The following PXK variants were observed in gnomAD, a reference collection of about 807,000 sequenced individuals.
PXK encodes the protein PX domain containing serine/threonine kinase like.
In PXK, 35 loss-of-function variants were observed where a neutral mutation model predicts 84.7. The ratio of observed to expected loss-of-function variants is 0.41; its 90% CI spans 0.32 to 0.55. The LOEUF (loss-of-function observed/expected upper bound fraction) is 0.55, where lower values mean the gene tolerates loss of function less well. Ranked by LOEUF, PXK falls within the 20% of genes least tolerant of loss-of-function variation. PXK has a pLI of 0.21. For missense variants in PXK, 634 were observed against 699.7 expected (o/e 0.91, Z 1.06); for synonymous variants, 253 against 260.8 (o/e 0.97, Z 0.29).
rs370718509 is a variant in PXK at position 58,392,379 on chromosome 3, A to G, written c.615+532A>G. On this transcript the variant is annotated intron_variant, in intron 7 of 17. Coordinates refer to ENST00000356151, the MANE Select transcript of PXK (RefSeq NM_017771.5). ...TGATATATTTCAAAATATGTGCAGA[A>G]TGTCTTCAGCAAAGACTAATCTGGC... 1.2e-4 allele frequency among the ~76,000 whole-genome samples: 19 copies of G among 152,358 alleles called. No homozygotes were observed. The South Asian group carries it at 3.9e-3, about 32-fold the overall frequency.
rs751061183 is a variant in PXK at position 58,399,309 on chromosome 3, G to C, written c.1113G>C (p.Leu371Phe). 6.2e-7 allele frequency: 1 copy of C among 1,613,934 alleles called. No homozygotes were observed. Among genetic ancestry groups the C allele is most frequent in the Non-Finnish European group, 8.5e-7 (1 of 1,179,962 alleles). The change falls in exon 12 of 18, where the codon TTG (leucine) becomes TTC (phenylalanine). Residue 371 changes from leucine to phenylalanine, a missense_variant. Around this residue, in one of 3 missense-constraint regions of PXK, gnomAD observed 273 missense variants for 283.6 expected, o/e 0.96. Transcript: ENST00000356151. This position sits in a 1 kb window ranked among gnomAD's most constrained non-coding sequence, Gnocchi z 4.3. Reference protein sequence around the residue: ...PAPSMAVVAVLESTLSCEACK... With the variant: ...PAPSMAVVAVFESTLSCEACK... ...TCTGTTCATTTCAAGTGGCCGTGTT[G>C]GAGTCTACGCTGTCTTGTGAAGCCT... is the stretch of plus-strand genomic sequence containing the variant.
chr3:58,422,154 A>G (rs2061983727), intron 17 of PXK: 3 of 985,374 alleles, frequency 3.0e-6, no homozygotes, highest in Non-Finnish European at 3.6e-6. Flanking sequence ...CTTGTGGACC[A>G]TGGAAAGGGC....
chr3:58,394,164 C>A (rs768254648), intron 7 of PXK, among the ~76,000 whole-genome samples: 1 of 152,178 alleles, frequency 6.6e-6, no homozygotes, highest in Admixed American at 6.5e-5. Flanking sequence ...TTTCCACCCC[C>A]CAACCTGCTG....
rs1161789602 is a variant in PXK at position 58,409,203 on chromosome 3, A to G, written c.1308+202A>G. 6.6e-6 allele frequency among the ~76,000 whole-genome samples: 1 copy of G among 152,214 alleles called. No individual in the cohort carries two copies. The highest frequency in any genetic ancestry group is 1.5e-5 in the Non-Finnish European group (1 of 68,046). ...TCCTGCCTAGTCTATGTGGGAAACA[A>G]ACATGTCCAGGAAGGGCAGTCTGGG... is the stretch of plus-strand genomic sequence containing the variant. On this transcript the variant is annotated intron_variant, in intron 14 of 17. Transcript: ENST00000356151. The surrounding 1 kb of genome is among the most constrained non-coding windows in gnomAD (Gnocchi z 4.2).
intron 16 of PXK, 74 bp downstream of exon 16, chr3:58,410,233 T>A: frequency 8.9e-7 from 1 of 1,123,424 alleles, no homozygotes; most frequent in South Asian, 1.3e-5. Context: ...GGTCAAGAGG[T>A]CTTGAGTTCT....
chr3:58,397,258 G>T lies in PXK; in HGVS notation c.984+58G>T. 6.4e-7 allele frequency: 1 copy of T among 1,560,128 alleles called. No homozygotes were observed. The highest frequency in any genetic ancestry group is 8.8e-7 in the Non-Finnish European group (1 of 1,136,234). On this transcript the variant is annotated intron_variant, in intron 10 of 17. Transcript: ENST00000356151. This position sits in a 1 kb window ranked among gnomAD's most constrained non-coding sequence, Gnocchi z 4.7. Reference sequence around the variant, plus strand: ...ATTTTTAGGTGTCAGTTATCCCCATGATCTGCCCATGTAGGAAATATGCAC... The same window carrying T: ...ATTTTTAGGTGTCAGTTATCCCCATTATCTGCCCATGTAGGAAATATGCAC...
rs2098241192 is a variant in PXK, at chr3:58,364,515, C to A, written c.103-1359C>A. Among the ~76,000 whole-genome samples, 1 of 152,072 alleles carries A rather than the reference C, an allele frequency of 6.6e-6. No homozygotes were observed. The highest frequency in any genetic ancestry group is 2.1e-4 in the South Asian group (1 of 4,822). Reference sequence around the variant, plus strand: ...TTACTTGAGGTCAGGAGTTCGAGACCAGCTGGGCCAATATGGTGAAACCCC... The same window carrying A: ...TTACTTGAGGTCAGGAGTTCGAGACAAGCTGGGCCAATATGGTGAAACCCC... On this transcript the variant is annotated intron_variant, in intron 1 of 17. Transcript: ENST00000356151. This position sits in a 1 kb window ranked among gnomAD's most constrained non-coding sequence, Gnocchi z 4.3.
At chr3:58,420,451 G>C in intron 17 of PXK, 1 of 1,464,602 alleles carries the variant, frequency 6.8e-7, no homozygotes, top group Non-Finnish European at 9.2e-7. Context: ...ATATTTTACT[G>C]TCTGTTACTA....
In PXK at chr3:58,398,272, A is replaced by G. The variant is rs2058024788; in HGVS notation, c.1102+550A>G. On this transcript the variant is annotated intron_variant, in intron 11 of 17. Coordinates refer to ENST00000356151, the MANE Select transcript of PXK (RefSeq NM_017771.5). This position sits in a 1 kb window ranked among gnomAD's most constrained non-coding sequence, Gnocchi z 4.5. ...AAAAATTAGCTGGGCGTGGAGGTGC[A>G]TGCCTGTAATCCCAGCTTTTTGGGA... Among the ~76,000 whole-genome samples the G allele has an allele frequency of 6.6e-6, 1 of 152,188 alleles. No individual in the cohort carries two copies. Among genetic ancestry groups the G allele is most frequent in the Non-Finnish European group, 1.5e-5 (1 of 68,036 alleles).
At chr3:58,391,966 C>A in intron 7 of PXK, 119 bp downstream of exon 7, 1 of 907,800 alleles carries the variant, frequency 1.1e-6, no homozygotes, top group Non-Finnish European at 1.7e-6. Context: ...GATTTCAGGT[C>A]AGACTGAAAT....
intron 7 of PXK, 112 bp from the exon 8 acceptor site, chr3:58,394,886 G>A (rs548919580): frequency 4.0e-4 from 281 of 708,624 alleles, no homozygotes; most frequent in Non-Finnish European, 6.2e-4. Context: ...CACTACATTC[G>A]TATGCAATTA....
At chr3:58,406,332 G>GTGGTGCAA (rs1429662756) in intron 13 of PXK, among the ~76,000 whole-genome samples, 2 of 150,732 alleles carry the variant, frequency 1.3e-5, no homozygotes, top group Non-Finnish European at 2.9e-5. Context: ...CTGGAGTGCA[G>GTGGTGCAA]TGGTGCAATG....
chr3:58,349,217 G>C (rs1017702898), intron 1 of PXK, among the ~76,000 whole-genome samples: 1 of 152,120 alleles, frequency 6.6e-6, no homozygotes, highest in Non-Finnish European at 1.5e-5. Flanking sequence ...CTGGGCGACA[G>C]AGCCAGACCC....
intron 2 of PXK, among the ~76,000 whole-genome samples, chr3:58,366,756 G>A (rs983076541): frequency 2.0e-5 from 3 of 152,108 alleles, no homozygotes; most frequent in Non-Finnish European, 4.4e-5. Context: ...GTGTTCACTG[G>A]TTTAAGCACA....
At position 58,420,439 on chromosome 3, in the gene PXK, T is replaced by C. The variant is rs1219133163; in HGVS notation, c.1529-4313T>C. On this transcript the variant is annotated intron_variant, in intron 17 of 17. Transcript: ENST00000356151. ...AGAATAATCAGCTTGTGATTCAGAC[T>C]AATATTTTACTGTCTGTTACTATTT... is the stretch of plus-strand genomic sequence containing the variant. 5 of 1,414,422 alleles carry C rather than the reference T, an allele frequency of 3.5e-6. No homozygotes were observed. The South Asian group carries it at 4.9e-5, about 14-fold the overall frequency. 87.6% of individuals were successfully genotyped at this position (1,414,422 alleles called of 1,614,324 possible).
chr3:58,334,825 T>C (rs1298008593), intron 1 of PXK, among the ~76,000 whole-genome samples: 2 of 152,266 alleles, frequency 1.3e-5, no homozygotes, highest in Non-Finnish European at 2.9e-5. Flanking sequence ...CCTCTTTTTC[T>C]GTTTATGTAA....
rs1310380224 is a variant in PXK at position 58,379,240 on chromosome 3, C to G, written c.202-3274C>G. ...TCGCGGTAGCCCTTTATTTTTATAC[C>G]TAAGAACTAGTTTACTTTTTCTCCA... On this transcript the variant is annotated intron_variant, in intron 3 of 17. Coordinates refer to ENST00000356151, the MANE Select transcript of PXK (RefSeq NM_017771.5). The surrounding 1 kb of genome is among the most constrained non-coding windows in gnomAD (Gnocchi z 5.1). The G allele has an allele frequency of 2.6e-5, 4 of 153,254 alleles. No homozygotes were observed. Among genetic ancestry groups the G allele is most frequent in the Admixed American group, 2.0e-4 (3 of 15,232 alleles). 9.5% of individuals were successfully genotyped at this position (153,254 alleles called of 1,614,324 possible). A position where few individuals can be genotyped will look rare whatever the true frequency, so the allele number is the denominator to read the frequency against.
At chr3:58,337,923 G>A (rs1433413882) in intron 1 of PXK, among the ~76,000 whole-genome samples, 1 of 152,142 alleles carries the variant, frequency 6.6e-6, no homozygotes, top group Non-Finnish European at 1.5e-5. Context: ...TGGCAAATTA[G>A]GAGACATTGC....
chr3:58,423,208 T>C, intron 17 of PXK: 1 of 984,302 alleles, frequency 1.0e-6, no homozygotes, highest in South Asian at 4.7e-5. Flanking sequence ...TTCTCCGTTT[T>C]CCCACTTCAA....
Sources: allele counts gnomAD v4.1 joint callset (sites outside exome capture counted in the v4.1 genomes callset), GRCh38; gene constraint gnomAD v4.1.1; regional missense constraint gnomAD v4.1.1; non-coding constraint Gnocchi (gnomAD v3.1); transcripts MANE v1.5; gene names NCBI Gene and HGNC (gene_info 2026-07-23, HGNC 2026-07-21).